The following ZNF800 variants were observed in gnomAD, a reference collection of about 807,000 sequenced individuals.
ZNF800 encodes the protein zinc finger protein 800.
A neutral mutation model predicts 59.5 loss-of-function variants in ZNF800; 13 were observed. The observed-to-expected ratio is 0.22, with a 90% CI of 0.14 to 0.35. The LOEUF (loss-of-function observed/expected upper bound fraction) is 0.35. ZNF800 is among the 10% of genes least tolerant of loss of function. The pLI, the probability that ZNF800 is intolerant of heterozygous loss-of-function variation, is 1.00. For synonymous variants in ZNF800, 266 were observed against 265.7 expected, an observed-to-expected ratio of 1.00 and a Z score of -0.01; for missense variants, 621 against 783.7, an observed-to-expected ratio of 0.79 and a Z score of 2.48.
Position 127,371,469 on chromosome 7 carries a change from G to A in ZNF800, c.*345C>T. ...AATTAAAAATTGATATTTTCTTCAGGTTGTTGATCACTTAATCAACAAATT... is the reference window on the plus strand; with the variant it reads ...AATTAAAAATTGATATTTTCTTCAGATTGTTGATCACTTAATCAACAAATT... On this transcript the variant is annotated 3_prime_UTR_variant, in exon 6 of 6. Transcript: ENST00000265827. 1 of 200,816 alleles carries A rather than the reference G, an allele frequency of 5.0e-6. No homozygotes were observed. The highest frequency in any genetic ancestry group is 1.0e-5 in the Non-Finnish European group (1 of 100,276). The allele number at this position is 200,816 out of a possible 1,614,324, so 12.4% of individuals were successfully genotyped here.
chr7:127,348,446 A>AAC (rs1800111948), intron 1 of ZNF800, among the ~76,000 whole-genome samples: 1 of 146,636 alleles, frequency 6.8e-6, no homozygotes, highest in South Asian at 2.2e-4. Context: ...AAAAAAAAAA[A>AAC]ATGGGAATGT....
chr7:127,370,547 G>C lies in ZNF800; in HGVS notation c.*1267C>G, dbSNP rs1261666599. 2 of 152,528 alleles carry C rather than the reference G, an allele frequency of 1.3e-5. No individual in the cohort carries two copies. The highest frequency in any genetic ancestry group is 4.8e-5 in the African/African-American group (2 of 41,440). The allele number at this position is 152,528 out of a possible 1,614,324, so 9.4% of individuals were successfully genotyped here. On this transcript the variant is annotated 3_prime_UTR_variant, in exon 6 of 6. Transcript: ENST00000265827. ...TATAGAATCATTTTATTAAGACCTTGTGGATCTTTAACATTTTAAAATTTT... is the reference window on the plus strand; with the variant it reads ...TATAGAATCATTTTATTAAGACCTTCTGGATCTTTAACATTTTAAAATTTT...
At position 127,370,179 on chromosome 7, in the gene ZNF800, A is replaced by G. The variant is rs1429308496; in HGVS notation, c.*1635T>C. The G allele has an allele frequency of 6.6e-6, 1 of 152,172 alleles. No homozygotes were observed. Among genetic ancestry groups the G allele is most frequent in the African/African-American group, 2.4e-5 (1 of 41,448 alleles). 9.4% of individuals were successfully genotyped at this position (152,172 alleles called of 1,614,324 possible). A position where few individuals can be genotyped will look rare whatever the true frequency, so the allele number is the denominator to read the frequency against. Reference sequence around the variant, plus strand: ...TTAGATCTATAAGTACAAATTTTCAATATGTGGGAAAGTAAATCTGTTTTT... The same window carrying G: ...TTAGATCTATAAGTACAAATTTTCAGTATGTGGGAAAGTAAATCTGTTTTT... On this transcript the variant is annotated 3_prime_UTR_variant, in exon 6 of 6. Transcript: ENST00000265827.
intron 3 of ZNF800, among the ~76,000 whole-genome samples, chr7:127,380,017 G>A (rs906810479): frequency 6.6e-6 from 1 of 151,496 alleles, no homozygotes; most frequent in Admixed American, 6.6e-5. Flanking sequence ...TTTCCTCTCT[G>A]ACTATAACAT....
intron 3 of ZNF800, among the ~76,000 whole-genome samples, chr7:127,384,612 A>T (rs1801084529): frequency 6.6e-6 from 1 of 152,236 alleles, no homozygotes; most frequent in South Asian, 2.1e-4. Flanking sequence ...TAAGAATTTT[A>T]AAAAAGAAAC....
intron 2 of ZNF800, among the ~76,000 whole-genome samples, chr7:127,391,203 G>C (rs188463398): frequency 3.3e-4 from 50 of 152,166 alleles, no homozygotes; most frequent in African/African-American, 1.2e-3. Context: ...AACATTTACA[G>C]ACCATAGGAG....
chr7:127,364,210 GAGAGAAGCCACT>G (rs1351529033), intron 1 of ZNF800: 1 of 152,126 alleles, frequency 6.6e-6, no homozygotes, highest in African/African-American at 2.4e-5. Context: ...ATGATGTAAA[GAGAGAAGCCACT>G]AGATTTCACA....
chr7:127,384,227 CTTTT>C (rs577977623), intron 3 of ZNF800, among the ~76,000 whole-genome samples: 2,870 of 63,298 alleles, frequency 0.045, 76 homozygotes, highest in East Asian at 0.15. Context: ...ATTCTAACTT[CTTTT>C]TTTTTTTTTT....
intron 1 of ZNF800, among the ~76,000 whole-genome samples, chr7:127,351,965 A>G (rs767656125): frequency 2.6e-5 from 4 of 152,216 alleles, no homozygotes; most frequent in Non-Finnish European, 5.9e-5. Flanking sequence ...CAGGTGGGGG[A>G]AATGTGGAGA....
chr7:127,349,313 T>C (rs2117012476), intron 1 of ZNF800, among the ~76,000 whole-genome samples: 1 of 152,336 alleles, frequency 6.6e-6, no homozygotes, highest in Non-Finnish European at 1.5e-5. Context: ...TTTAAAATTT[T>C]AAGTTAATAC....
rs992002969 is a variant in ZNF800, at chr7:127,370,336, T to G, written c.*1478A>C. On this transcript the variant is annotated 3_prime_UTR_variant, in exon 6 of 6. Transcript: ENST00000265827. ...ACATTTAAGTTTCAACCAATGCACC[T>G]TTGCTGAAGCACATTTAGCTGAAAT... is the stretch of plus-strand genomic sequence containing the variant. The G allele has an allele frequency of 2.0e-5, 3 of 152,608 alleles. No homozygotes were observed. Among genetic ancestry groups the G allele is most frequent in the Non-Finnish European group, 4.4e-5 (3 of 67,988 alleles). 9.5% of individuals were successfully genotyped at this position (152,608 alleles called of 1,614,324 possible). A position where few individuals can be genotyped will look rare whatever the true frequency, so the allele number is the denominator to read the frequency against.
chr7:127,352,209 T>C (rs933900234), intron 1 of ZNF800, among the ~76,000 whole-genome samples: 10 of 152,222 alleles, frequency 6.6e-5, no homozygotes, highest in Admixed American at 3.3e-4. Context: ...CTGTCTTTGA[T>C]ATTACAAGTA....
chr7:127,344,257 T>G (rs1007520904), downstream of ZNF800, among the ~76,000 whole-genome samples: 4 of 151,788 alleles, frequency 2.6e-5, no homozygotes, highest in Admixed American at 6.6e-5. Context: ...TAGCCACTAA[T>G]AAAAAATGAT....
At chr7:127,365,149 T>C (rs980829196), downstream of ZNF800, among the ~76,000 whole-genome samples, 6 of 152,110 alleles carry the variant, frequency 3.9e-5, no homozygotes, top group Non-Finnish European at 8.8e-5. Context: ...CATGCAATTA[T>C]ATATGGGCTA....
Position 127,374,944 on chromosome 7 carries a change from A to G in ZNF800, c.392T>C (p.Ile131Thr). ...YPSVDKREYIIKLEPIETNQN... is the reference protein window; with the variant it reads ...YPSVDKREYITKLEPIETNQN... ...ATTAGTTTCTATGGGTTCTAGCTTAATAATATATTCTCGTTTGTCCACACT... is the reference window on the plus strand; with the variant it reads ...ATTAGTTTCTATGGGTTCTAGCTTAGTAATATATTCTCGTTTGTCCACACT... The change falls in exon 5 of 6, where the codon ATT becomes ACT. Residue 131 changes from isoleucine to threonine, a missense_variant. Physicochemically the swap from Ile to Thr is moderately conservative, Grantham distance 89 (BLOSUM62 -1). Around this residue, in one of 7 missense-constraint regions of ZNF800, gnomAD observed 218 missense variants for 230.8 expected, o/e 0.94. Transcript: ENST00000265827. 1 of 1,613,702 alleles carries G rather than the reference A, an allele frequency of 6.2e-7. No homozygotes were observed. Among genetic ancestry groups the G allele is most frequent in the Non-Finnish European group, 8.5e-7 (1 of 1,179,840 alleles).
intron 1 of ZNF800, chr7:127,363,035 G>T (rs1292282045): frequency 6.6e-6 from 1 of 152,164 alleles, no homozygotes; most frequent in Non-Finnish European, 1.5e-5. Flanking sequence ...GAGTATAAAA[G>T]AAAGAAGTTA....
At chr7:127,362,698 A>G (rs1022193064) in intron 1 of ZNF800, 1 of 152,202 alleles carries the variant, frequency 6.6e-6, no homozygotes, top group Non-Finnish European at 1.5e-5. Flanking sequence ...ACACAATTAC[A>G]AACAGTATTA....
Position 127,355,819 on chromosome 7 carries a change from G to A in ZNF800, n.225-7776C>T, listed in dbSNP as rs781493670. ...TGCTAGTAATATATCAAAACTGGCT[G>A]ACTAGGCAAGATCAACACACATCTA... On this transcript the variant is annotated intron_variant and non_coding_transcript_variant, in intron 1 of 1. Transcript: ENST00000485577. Among the ~76,000 whole-genome samples the A allele has an allele frequency of 1.2e-4, 18 of 151,914 alleles. 1 individual carries two copies. Among genetic ancestry groups the A allele is most frequent in the Non-Finnish European group, 2.4e-4 (16 of 67,910 alleles).
At position 127,372,365 on chromosome 7, in the gene ZNF800, A is replaced by T. The variant is rs528374628; in HGVS notation, c.*-551T>A. Among the ~76,000 whole-genome samples, 11 of 151,804 alleles carry T rather than the reference A, an allele frequency of 7.2e-5. No individual in the cohort carries two copies. The South Asian group carries it at 2.3e-3, about 32-fold the overall frequency. On this transcript the variant is annotated intron_variant, in intron 5 of 5. Transcript: ENST00000265827. ...TGTGGTGGCTTATGCCTGTAATCCC[A>T]GCTACTTGGGAGGCTGAGGCAGGAG...
Sources: gnomAD v4.1 joint callset for allele counts (sites outside exome capture counted in the v4.1 genomes callset) on GRCh38, gnomAD v4.1.1 for gene constraint, gnomAD v4.1.1 regional missense constraint, MANE v1.5 for transcripts, NCBI Gene and HGNC (gene_info 2026-07-23, HGNC 2026-07-21) for gene names.